Variants in TTBK1 observed in about 807,000 individuals in gnomAD.
TTBK1 encodes the protein tau tubulin kinase 1, also known as tau-tubulin kinase 1.
In TTBK1, 34 loss-of-function variants were observed where a neutral mutation model predicts 108.5. The observed-to-expected ratio is 0.31, with a 90% confidence interval of 0.24 to 0.42. The LOEUF (loss-of-function observed/expected upper bound fraction) is 0.42, where lower values mean the gene tolerates loss of function less well. Among genes scored for constraint, TTBK1 ranks in the 10% least tolerant of loss-of-function variants. TTBK1 has a pLI of 1.00. For missense variants in TTBK1, 1,539 were observed against 1,826.0 expected, an observed-to-expected ratio of 0.84 and a Z score of 2.86; for synonymous variants, 809 against 795.1, an observed-to-expected ratio of 1.02 and a Z score of -0.29.
At position 43,253,816 on chromosome 6, in the gene TTBK1, A is replaced by G. The variant is rs1777313715; in HGVS notation, c.471+108A>G. 1 of 1,396,812 alleles carries G rather than the reference A, an allele frequency of 7.2e-7. No individual in the cohort carries two copies. The highest frequency in any genetic ancestry group is 1.5e-5 in the South Asian group (1 of 68,198). The allele number at this position is 1,396,812 out of a possible 1,614,324, so 86.5% of individuals were successfully genotyped here. On this transcript the variant is annotated intron_variant, in intron 5 of 14. Transcript: ENST00000259750. This position sits in a 1 kb window ranked among gnomAD's most constrained non-coding sequence, Gnocchi z 5.8. ...TCTGCAACCATGGTTGGGACTTGTG[A>G]TGGGACAGCCTCTTCTCCCCAAGCC... is the stretch of plus-strand genomic sequence containing the variant.
intron 6 of TTBK1, 42 bp downstream of exon 6, chr6:43,254,693 C>T (rs969763137): frequency 2.7e-6 from 4 of 1,486,890 alleles, no homozygotes; most frequent in African/African-American, 1.4e-5. Context: ...AGGACTCCCC[C>T]CTACTCCCAG....
At position 43,273,561 on chromosome 6, in the gene TTBK1, C is replaced by T. The variant is rs1409609607; in HGVS notation, c.1987-9166C>T. Among the ~76,000 whole-genome samples, 1 of 151,238 alleles carries T rather than the reference C, an allele frequency of 6.6e-6. No homozygotes were observed. The highest frequency in any genetic ancestry group is 1.9e-4 in the East Asian group (1 of 5,192). Reference sequence around the variant, plus strand: ...GTGGGATTGGTGAGGTCCTAGGGGTCAGACTCACAGACGGGGAAGACACTG... The same window carrying T: ...GTGGGATTGGTGAGGTCCTAGGGGTTAGACTCACAGACGGGGAAGACACTG... On this transcript the variant is annotated intron_variant, in intron 13 of 14. Transcript: ENST00000259750. The surrounding 1 kb of genome is among the most constrained non-coding windows in gnomAD (Gnocchi z 4.2).
chr6:43,279,832 G>T (rs1778106499), intron 13 of TTBK1, among the ~76,000 whole-genome samples: 1 of 151,910 alleles, frequency 6.6e-6, no homozygotes, highest in Non-Finnish European at 1.5e-5. Context: ...GTGCAGTGGT[G>T]CGATCACAGC....
intron 12 of TTBK1, 50 bp from the exon 13 acceptor site, chr6:43,262,738 TG>T (rs1777574473): frequency 2.0e-6 from 3 of 1,467,882 alleles, no homozygotes; most frequent in South Asian, 2.7e-5. Flanking sequence ...GTGGGGTCCT[TG>T]GGGGTCCAGT....
chr6:43,284,203 C>T lies in TTBK1; in HGVS notation c.3463C>T (p.Arg1155Trp), dbSNP rs758384394. ...KSGRAAATRSRIPRPIGLRMP... is the reference protein window; with the variant it reads ...KSGRAAATRSWIPRPIGLRMP... ...CGGGAGGGCAGCCGCCACCAGGAGC[C>T]GGATTCCCCGCCCCATTGGCCTCCG... The change falls in exon 14 of 15, where the codon CGG becomes TGG. Residue 1155 changes from arginine (R) to tryptophan (W), a missense_variant. By Grantham distance (101) the Arg-to-Trp change is moderately radical (BLOSUM62 -3). This residue lies in a region of TTBK1 where 1,055 missense variants were observed against 1,086.5 expected (regional missense o/e 0.97). Transcript: ENST00000259750. 3.2e-6 allele frequency: 5 copies of T among 1,584,982 alleles called. No individual in the cohort carries two copies. The highest frequency in any genetic ancestry group is 2.3e-5 in the South Asian group (2 of 88,802).
intron 2 of TTBK1, among the ~76,000 whole-genome samples, chr6:43,247,363 G>A (rs1301336264): frequency 1.3e-5 from 2 of 152,196 alleles, no homozygotes; most frequent in African/African-American, 4.8e-5. Flanking sequence ...TGTAGTCTCA[G>A]CCTCCTCGGG....
chr6:43,286,182 A>G lies in TTBK1; in HGVS notation c.*806A>G, dbSNP rs1253491153. The G allele has an allele frequency of 6.6e-6, 1 of 152,606 alleles. No homozygotes were observed. Among genetic ancestry groups the G allele is most frequent in the African/African-American group, 2.4e-5 (1 of 41,404 alleles). The allele number at this position is 152,606 out of a possible 1,614,324, so 9.5% of individuals were successfully genotyped here. A position where few individuals can be genotyped will look rare whatever the true frequency, so the allele number is the denominator to read the frequency against. On this transcript the variant is annotated 3_prime_UTR_variant, in exon 15 of 15. Transcript: ENST00000259750. This position sits in a 1 kb window ranked among gnomAD's most constrained non-coding sequence, Gnocchi z 4.6. ...AGATTTGGGTGGAGCCTCTGTGGGA[A>G]CCATAGGAAGTGTGTGGGCTGCCTT... is the stretch of plus-strand genomic sequence containing the variant.
intron 1 of TTBK1, among the ~76,000 whole-genome samples, chr6:43,244,588 A>G (rs1221566987): frequency 6.6e-6 from 1 of 152,192 alleles, no homozygotes; most frequent in Admixed American, 6.5e-5. Flanking sequence ...TAGTCCTCAG[A>G]CACAGAGAGA....
At chr6:43,267,044 TGTGTGTG>T (rs1777699147) in intron 13 of TTBK1, among the ~76,000 whole-genome samples, 1 of 140,212 alleles carries the variant, frequency 7.1e-6, no homozygotes, top group African/African-American at 2.7e-5. Flanking sequence ...TGTGTGTGTG[TGTGTGTG>T]TTCTGTGCAT....
At position 43,259,485 on chromosome 6, in the gene TTBK1, C is replaced by T; in HGVS notation, c.1249-46C>T. ...TCACCCTGAGGAGACCATCCGCCCACAGCCGCCTCATCAGCCCCAGCTCAT... is the reference window on the plus strand; with the variant it reads ...TCACCCTGAGGAGACCATCCGCCCATAGCCGCCTCATCAGCCCCAGCTCAT... On this transcript the variant is annotated intron_variant, in intron 11 of 14. Transcript: ENST00000259750. The surrounding 1 kb of genome is among the most constrained non-coding windows in gnomAD (Gnocchi z 6.7). The T allele has an allele frequency of 2.0e-6, 3 of 1,515,144 alleles. No individual in the cohort carries two copies. Among genetic ancestry groups the T allele is most frequent in the Non-Finnish European group, 1.8e-6 (2 of 1,133,932 alleles). 93.9% of individuals were successfully genotyped at this position (1,515,144 alleles called of 1,614,324 possible).
At position 43,254,635 on chromosome 6, in the gene TTBK1, CG is replaced by C; in HGVS notation, c.565del (p.Asp189MetfsTer60). 1.3e-6 allele frequency: 2 copies of C among 1,583,062 alleles called. No individual in the cohort carries two copies. The highest frequency in any genetic ancestry group is 1.8e-5 in the Admixed American group (1 of 54,134). ...FGLARQYTNT[T>X]GDVRPPRNVA... Reference sequence around the variant, plus strand: ...CTGGCCCGGCAGTACACCAACACCACGGGGGATGTGCGGCCCGTGAGTACCG... The same window carrying C: ...CTGGCCCGGCAGTACACCAACACCACGGGGATGTGCGGCCCGTGAGTACCG... On this transcript the variant is annotated frameshift_variant, in exon 6 of 15. Transcript: ENST00000259750. LOFTEE classifies it high-confidence loss of function.
chr6:43,269,612 C>G lies in TTBK1; in HGVS notation c.1986+6262C>G, dbSNP rs1297145723. The G allele has an allele frequency of 1.3e-6, 2 of 1,594,686 alleles. No individual in the cohort carries two copies. Among genetic ancestry groups the G allele is most frequent in the South Asian group, 2.2e-5 (2 of 90,288 alleles). Reference sequence around the variant, plus strand: ...GCTGTCGAGTCTGTGCCTGACACCTCTTTTCCCTCCACTTTCTTGGTCTCT... The same window carrying G: ...GCTGTCGAGTCTGTGCCTGACACCTGTTTTCCCTCCACTTTCTTGGTCTCT... On this transcript the variant is annotated intron_variant, in intron 13 of 14. Transcript: ENST00000259750. This position sits in a 1 kb window ranked among gnomAD's most constrained non-coding sequence, Gnocchi z 4.8.
At chr6:43,246,583 C>A in intron 1 of TTBK1, 24 bp from the exon 2 acceptor site, 1 of 1,192,160 alleles carries the variant, frequency 8.4e-7, no homozygotes, top group Non-Finnish European at 1.2e-6. Context: ...AGCCCGCCCT[C>A]ACAGGCCCTC....
At chr6:43,252,143 C>T (rs1249581342) in intron 2 of TTBK1, among the ~76,000 whole-genome samples, 3 of 151,458 alleles carry the variant, frequency 2.0e-5, no homozygotes, top group Admixed American at 2.0e-4. Context: ...CATGTCTATA[C>T]GGGGTCACAG....
rs1158276891 is a variant in TTBK1 at position 43,269,036 on chromosome 6, G to A, written c.1986+5686G>A. Reference sequence around the variant, plus strand: ...GGAAGCTGAGGCTCAGAGAGGTGCAGTAACTTGCTCAAGGTCACTCAGATT... The same window carrying A: ...GGAAGCTGAGGCTCAGAGAGGTGCAATAACTTGCTCAAGGTCACTCAGATT... On this transcript the variant is annotated intron_variant, in intron 13 of 14. Transcript: ENST00000259750. The surrounding 1 kb of genome is among the most constrained non-coding windows in gnomAD (Gnocchi z 4.8). 6.6e-6 allele frequency among the ~76,000 whole-genome samples: 1 copy of A among 152,226 alleles called. No individual in the cohort carries two copies. The highest frequency in any genetic ancestry group is 1.9e-4 in the East Asian group (1 of 5,192).
rs1778275964 is a variant in TTBK1 at position 43,283,988 on chromosome 6, C to T, written c.3248C>T (p.Ala1083Val). The T allele has an allele frequency of 8.1e-6, 13 of 1,606,272 alleles. No homozygotes were observed. Among genetic ancestry groups the T allele is most frequent in the Non-Finnish European group, 9.4e-6 (11 of 1,176,382 alleles). The change falls in exon 14 of 15, where the codon GCT becomes GTT. Residue 1083 changes from alanine (A) to valine (V), a missense_variant. Around this residue, in one of 5 missense-constraint regions of TTBK1, gnomAD observed 1,055 missense variants for 1,086.5 expected, o/e 0.97. Coordinates refer to ENST00000259750, the MANE Select transcript of TTBK1 (RefSeq NM_032538.3). This position sits in a 1 kb window ranked among gnomAD's most constrained non-coding sequence, Gnocchi z 8.1. The part of the protein sequence containing the change: ...LSAKERWSKR[A>V]RPQQDLARLV... ...GCCAAAGAGCGGTGGAGCAAGCGGGCTCGGCCGCAGCAGGACCTGGCGCGG... is the reference window on the plus strand; with the variant it reads ...GCCAAAGAGCGGTGGAGCAAGCGGGTTCGGCCGCAGCAGGACCTGGCGCGG...
At position 43,269,102 on chromosome 6, in the gene TTBK1, T is replaced by C. The variant is rs1455350313; in HGVS notation, c.1986+5752T>C. Among the ~76,000 whole-genome samples, 1 of 152,226 alleles carries C rather than the reference T, an allele frequency of 6.6e-6. No homozygotes were observed. The highest frequency in any genetic ancestry group is 1.5e-5 in the Non-Finnish European group (1 of 68,042). ...GGGATTCAAACACGAGTAATTGGGC[T>C]CTAGAGTACCACCTTATGCCGCATG... On this transcript the variant is annotated intron_variant, in intron 13 of 14. Transcript: ENST00000259750. The surrounding 1 kb of genome is among the most constrained non-coding windows in gnomAD (Gnocchi z 4.8).
At chr6:43,254,708 G>A (rs1316438243) in intron 6 of TTBK1, 57 bp downstream of exon 6, 3 of 1,467,352 alleles carry the variant, frequency 2.0e-6, no homozygotes, top group Non-Finnish European at 2.8e-6. Context: ...TCCCAGATCT[G>A]GGGACCCTTC....
rs1582530852 is a variant in TTBK1 at position 43,285,559 on chromosome 6, G to T, written c.*183G>T. The stretch of plus-strand genomic sequence containing the variant: ...ACGCGGCGCCCCGCCAGGCCTTAGG[G>T]CCCGTGGGGGACGCGGCCCCGCGCC... On this transcript the variant is annotated 3_prime_UTR_variant, in exon 15 of 15. Coordinates refer to ENST00000259750, the MANE Select transcript of TTBK1 (RefSeq NM_032538.3). The surrounding 1 kb of genome is among the most constrained non-coding windows in gnomAD (Gnocchi z 4.7). The T allele has an allele frequency of 1.4e-6, 1 of 728,972 alleles. No homozygotes were observed. Among genetic ancestry groups the T allele is most frequent in the Non-Finnish European group, 1.9e-6 (1 of 538,584 alleles). 45.2% of individuals were successfully genotyped at this position (728,972 alleles called of 1,614,324 possible).
Sources: allele counts gnomAD v4.1 joint callset (sites outside exome capture counted in the v4.1 genomes callset), GRCh38; gene constraint gnomAD v4.1.1; regional missense constraint gnomAD v4.1.1; non-coding constraint Gnocchi (gnomAD v3.1); transcripts MANE v1.5; gene names NCBI Gene and HGNC (gene_info 2026-07-23, HGNC 2026-07-21).